The following RFX2 variants were observed in gnomAD, a reference collection of about 807,000 sequenced individuals.
The protein encoded by RFX2 is regulatory factor X2, also known as DNA-binding protein RFX2.
In RFX2, 20 loss-of-function variants were observed where a neutral mutation model predicts 87.8. The ratio of observed to expected loss-of-function variants is 0.23; its 90% CI spans 0.16 to 0.33. RFX2 has a LOEUF of 0.33. Among genes scored for constraint, RFX2 ranks in the 10% least tolerant of loss-of-function variants. The probability of loss-of-function intolerance (pLI) is 1.00; values close to 1 mark genes in which losing one functional copy is unlikely to be tolerated. For missense variants in RFX2, 767 were observed against 1,012.3 expected (o/e 0.76, Z 3.29); for synonymous variants, 397 against 431.3 (o/e 0.92, Z 0.98).
intron 1 of RFX2, among the ~76,000 whole-genome samples, chr19:6,107,325 CA>C (rs1365278017): frequency 6.6e-6 from 1 of 151,580 alleles, no homozygotes; most frequent in Non-Finnish European, 1.5e-5. Context: ...CAAAAATCCA[CA>C]GGTGCAGGGG....
At chr19:6,003,802 A>G (rs898100495) in intron 13 of RFX2, among the ~76,000 whole-genome samples, 2 of 149,204 alleles carry the variant, frequency 1.3e-5, no homozygotes, top group Admixed American at 6.7e-5. Flanking sequence ...AAAAAAAAAA[A>G]AAAAAAGAAA....
In RFX2 at chr19:6,010,784, T is replaced by C. The variant is rs1390206533; in HGVS notation, c.900-533A>G. Among the ~76,000 whole-genome samples the C allele has an allele frequency of 2.0e-4, 31 of 152,162 alleles. No individual in the cohort carries two copies. Among genetic ancestry groups the C allele is most frequent in the Admixed American group, 2.0e-3 (30 of 15,270 alleles). ...GTTAATGGACACTTGAGAAAATAGATATATATTTTCCCCCTAACATTTCTC... is the reference window on the plus strand; with the variant it reads ...GTTAATGGACACTTGAGAAAATAGACATATATTTTCCCCCTAACATTTCTC... On this transcript the variant is annotated intron_variant, in intron 8 of 17. Coordinates refer to ENST00000303657, the MANE Select transcript of RFX2 (RefSeq NM_000635.4). The surrounding 1 kb of genome is among the most constrained non-coding windows in gnomAD (Gnocchi z 5.0).
intron 1 of RFX2, among the ~76,000 whole-genome samples, chr19:6,052,431 C>A (rs995971166): frequency 6.6e-6 from 1 of 152,058 alleles, no homozygotes; most frequent in Non-Finnish European, 1.5e-5. Context: ...CAATCATAAT[C>A]GGAGATTTTA....
rs2086672350 is a variant in RFX2 at position 6,012,488 on chromosome 19, TGGG to T, written c.899+495_899+497del. ...GAAAGGACTCTGCGTGACACTGTGA[TGGG>T]GGACACATGTCATTATAGGTTTGTC... On this transcript the variant is annotated intron_variant, in intron 8 of 17. Coordinates refer to ENST00000303657, the MANE Select transcript of RFX2 (RefSeq NM_000635.4). The surrounding 1 kb of genome is among the most constrained non-coding windows in gnomAD (Gnocchi z 4.6). 2.0e-5 allele frequency among the ~76,000 whole-genome samples: 3 copies of T among 152,036 alleles called. No individual in the cohort carries two copies. Among genetic ancestry groups the T allele is most frequent in the African/African-American group, 7.3e-5 (3 of 41,360 alleles).
Position 6,002,175 on chromosome 19 carries a change from C to T in RFX2, c.1651-152G>A. On this transcript the variant is annotated intron_variant, in intron 14 of 17. Transcript: ENST00000303657. The surrounding 1 kb of genome is among the most constrained non-coding windows in gnomAD (Gnocchi z 6.7). ...AGCTGCAAGCCAAGTCCTGTGTCTC[C>T]CGTCACAGGGGCAGAATAGAGAGCT... The T allele has an allele frequency of 1.5e-6, 1 of 660,582 alleles. No individual in the cohort carries two copies. The allele number at this position is 660,582 out of a possible 1,614,324, so 40.9% of individuals were successfully genotyped here. A position where few individuals can be genotyped will look rare whatever the true frequency, so the allele number is the denominator to read the frequency against.
chr19:6,079,072 G>A (rs979047849), intron 1 of RFX2, among the ~76,000 whole-genome samples: 2 of 152,272 alleles, frequency 1.3e-5, no homozygotes, highest in South Asian at 2.1e-4. Flanking sequence ...CACGGCGCCC[G>A]GCCATTACTT....
chr19:6,057,092 C>T (rs1459003774), intron 1 of RFX2: 1 of 152,262 alleles, frequency 6.6e-6, no homozygotes, highest in Non-Finnish European at 1.5e-5. Flanking sequence ...CCTTGGCCGG[C>T]ACCAGCCTTT....
intron 1 of RFX2, among the ~76,000 whole-genome samples, chr19:6,092,767 G>A (rs532717811): frequency 3.3e-4 from 50 of 152,280 alleles, no homozygotes; most frequent in African/African-American, 1.1e-3. Context: ...CACCTCCTAA[G>A]TGGCCCACAG....
chr19:6,051,925 T>G (rs1168769083), intron 1 of RFX2, among the ~76,000 whole-genome samples: 1 of 152,200 alleles, frequency 6.6e-6, no homozygotes, highest in Non-Finnish European at 1.5e-5. Flanking sequence ...TTGCCCAGGC[T>G]GGAGTGCAGT....
At position 6,074,659 on chromosome 19, in the gene RFX2, C is replaced by A. The variant is rs1488010293; in HGVS notation, c.-8-27155G>T. On this transcript the variant is annotated intron_variant, in intron 1 of 17. Coordinates refer to ENST00000303657, the MANE Select transcript of RFX2 (RefSeq NM_000635.4). The surrounding 1 kb of genome is among the most constrained non-coding windows in gnomAD (Gnocchi z 5.2). ...ACAGAACAGCAGGAGGTGACAAATG[C>A]TCTGAAGAAAAATACACTCAAATGC... Among the ~76,000 whole-genome samples, 1 of 152,220 alleles carries A rather than the reference C, an allele frequency of 6.6e-6. No individual in the cohort carries two copies. Among genetic ancestry groups the A allele is most frequent in the Non-Finnish European group, 1.5e-5 (1 of 68,042 alleles).
intron 1 of RFX2, among the ~76,000 whole-genome samples, chr19:6,105,077 C>T (rs1481608808): frequency 6.7e-6 from 1 of 148,700 alleles, no homozygotes; most frequent in Non-Finnish European, 1.5e-5. Flanking sequence ...GAGATTGCAC[C>T]ACTACACTCC....
rs1568194519 is a variant in RFX2, at chr19:6,093,732, A to C, written c.-9+16661T>G. Reference sequence around the variant, plus strand: ...TCTCTTTTTTGAAGAAGAAAAAAAAAACACACAAAAAAACCCTATTAGTCC... The same window carrying C: ...TCTCTTTTTTGAAGAAGAAAAAAAACACACACAAAAAAACCCTATTAGTCC... On this transcript the variant is annotated intron_variant, in intron 1 of 17. Coordinates refer to ENST00000303657, the MANE Select transcript of RFX2 (RefSeq NM_000635.4). 2.6e-5 allele frequency among the ~76,000 whole-genome samples: 4 copies of C among 152,030 alleles called. No homozygotes were observed. The South Asian group carries it at 6.2e-4, about 24-fold the overall frequency.
In RFX2 at chr19:6,016,324, A is replaced by C; in HGVS notation, c.598-53T>G. ...TGTCAGAAGCCTGAGGAACGCTAAC[A>C]TGCCAACGTGGACTCATTAAGAGAA... is the stretch of plus-strand genomic sequence containing the variant. On this transcript the variant is annotated intron_variant, in intron 6 of 17. Coordinates refer to ENST00000303657, the MANE Select transcript of RFX2 (RefSeq NM_000635.4). The surrounding 1 kb of genome is among the most constrained non-coding windows in gnomAD (Gnocchi z 5.4). The C allele has an allele frequency of 7.3e-7, 1 of 1,365,678 alleles. No individual in the cohort carries two copies. The highest frequency in any genetic ancestry group is 1.0e-6 in the Non-Finnish European group (1 of 982,130). 84.6% of individuals were successfully genotyped at this position (1,365,678 alleles called of 1,614,324 possible). A position where few individuals can be genotyped will look rare whatever the true frequency, so the allele number is the denominator to read the frequency against.
At chr19:6,108,605 G>T (rs2088257267) in intron 1 of RFX2, among the ~76,000 whole-genome samples, 2 of 152,158 alleles carry the variant, frequency 1.3e-5, no homozygotes, top group African/African-American at 2.4e-5. Context: ...AGAGGGAAAA[G>T]AACTCATCGA....
chr19:6,071,689 C>G (rs1177715635), intron 1 of RFX2, among the ~76,000 whole-genome samples: 1 of 152,120 alleles, frequency 6.6e-6, no homozygotes, highest in Non-Finnish European at 1.5e-5. Context: ...TTTTGTTAAA[C>G]TCATTATTAG....
In RFX2 at chr19:6,061,479, C is replaced by T. The variant is rs1027243952; in HGVS notation, c.-8-13975G>A. On this transcript the variant is annotated intron_variant, in intron 1 of 17. Transcript: ENST00000303657. The surrounding 1 kb of genome is among the most constrained non-coding windows in gnomAD (Gnocchi z 5.2). ...CTACCCTTCACACTTACAAGTCTGG[C>T]TGATCAAGACCTTGTCACCTGAAGA... is the stretch of plus-strand genomic sequence containing the variant. 2.6e-5 allele frequency among the ~76,000 whole-genome samples: 4 copies of T among 152,216 alleles called. No homozygotes were observed. Among genetic ancestry groups the T allele is most frequent in the Admixed American group, 2.6e-4 (4 of 15,284 alleles).
At chr19:6,030,215 T>G (rs1311923951) in intron 5 of RFX2, among the ~76,000 whole-genome samples, 1 of 152,144 alleles carries the variant, frequency 6.6e-6, no homozygotes, top group African/African-American at 2.4e-5. Flanking sequence ...ATCAAACTGT[T>G]GAAAGGCAAA....
chr19:6,011,078 T>G lies in RFX2; in HGVS notation c.900-827A>C, dbSNP rs1330208381. Among the ~76,000 whole-genome samples the G allele has an allele frequency of 6.6e-6, 1 of 151,702 alleles. No individual in the cohort carries two copies. The highest frequency in any genetic ancestry group is 2.1e-4 in the South Asian group (1 of 4,820). On this transcript the variant is annotated intron_variant, in intron 8 of 17. Transcript: ENST00000303657. This position sits in a 1 kb window ranked among gnomAD's most constrained non-coding sequence, Gnocchi z 4.8. ...TTGCAGTGAGCCGAGTTCACGCCAT[T>G]GCACTCCAGCCTGGGCGACAAAAGC...
chr19:6,011,966 T>C lies in RFX2; in HGVS notation c.899+1020A>G, dbSNP rs75041518. 4.4e-3 allele frequency among the ~76,000 whole-genome samples: 667 copies of C among 152,350 alleles called. 6 individuals are homozygous for C. The East Asian group carries it at 0.071, about 16-fold the overall frequency. On this transcript the variant is annotated intron_variant, in intron 8 of 17. Coordinates refer to ENST00000303657, the MANE Select transcript of RFX2 (RefSeq NM_000635.4). This position sits in a 1 kb window ranked among gnomAD's most constrained non-coding sequence, Gnocchi z 4.8. ...TATGGCCTGAGGGCCAATTCTGCTG[T>C]TTGTTTTTATAAATAAAGTTTTACT...
Sources: allele counts gnomAD v4.1 joint callset (sites outside exome capture counted in the v4.1 genomes callset), GRCh38; gene constraint gnomAD v4.1.1; non-coding constraint Gnocchi (gnomAD v3.1); transcripts MANE v1.5; gene names NCBI Gene and HGNC (gene_info 2026-07-23, HGNC 2026-07-21).